The following ELP4 variants were observed in gnomAD, a reference collection of about 807,000 sequenced individuals.
The protein encoded by ELP4 is elongator complex protein 4.
In ELP4, 51 loss-of-function variants were observed where a neutral mutation model predicts 48.9. The observed-to-expected ratio is 1.04, with a 90% CI of 0.83 to 1.32. ELP4 has a LOEUF of 1.32. ELP4 is among the 40% of genes most tolerant of loss of function. The pLI is 0.00. For missense variants in ELP4, 519 were observed against 514.6 expected, an observed-to-expected ratio of 1.01 and a Z score of -0.08; for synonymous variants, 210 against 189.2, an observed-to-expected ratio of 1.11 and a Z score of -0.90.
chr11:31,741,243 C>G (rs1470962034), intron 9 of ELP4, among the ~76,000 whole-genome samples: 2 of 152,156 alleles, frequency 1.3e-5, no homozygotes, highest in Admixed American at 1.3e-4. Context: ...AACAAAGCGG[C>G]CGGTAAGCTG....
At chr11:31,633,941 C>T (rs1484085508) in intron 7 of ELP4, 1 of 151,974 alleles carries the variant, frequency 6.6e-6, no homozygotes, top group Non-Finnish European at 1.5e-5. Flanking sequence ...CAGTGTTCTT[C>T]CCTGACTTCA....
chr11:31,624,279 C>T (rs1278975899), intron 5 of ELP4, among the ~76,000 whole-genome samples: 2 of 151,676 alleles, frequency 1.3e-5, no homozygotes, highest in African/African-American at 4.8e-5. Flanking sequence ...AGTGTAATTA[C>T]ACAAATCTAC....
intron 3 of ELP4, among the ~76,000 whole-genome samples, chr11:31,553,427 G>T (rs551910836): frequency 6.6e-6 from 1 of 152,150 alleles, no homozygotes; most frequent in South Asian, 2.1e-4. Flanking sequence ...AAACAAAAAC[G>T]CTGACCATCC....
At chr11:31,591,400 C>A in intron 3 of ELP4, among the ~76,000 whole-genome samples, 1 of 76,576 alleles carries the variant, frequency 1.3e-5, no homozygotes, top group African/African-American at 5.6e-5. Context: ...AGCGAGACTC[C>A]ATCTCAAAAA....
intron 3 of ELP4, among the ~76,000 whole-genome samples, chr11:31,572,294 C>G (rs893010770): frequency 6.6e-6 from 1 of 152,122 alleles, no homozygotes; most frequent in African/African-American, 2.4e-5. Context: ...AGCTTTTTTT[C>G]TGAAGCTTCT....
chr11:31,704,744 G>T (rs1302199656), intron 9 of ELP4, among the ~76,000 whole-genome samples: 1 of 152,092 alleles, frequency 6.6e-6, no homozygotes, highest in Non-Finnish European at 1.5e-5. Context: ...AGGCTTGGTG[G>T]CTCATGCCTG....
intron 3 of ELP4, among the ~76,000 whole-genome samples, chr11:31,565,076 G>A (rs1470485333): frequency 6.6e-6 from 1 of 152,186 alleles, no homozygotes; most frequent in African/African-American, 2.4e-5. Flanking sequence ...ATTCTAACTG[G>A]TGTGAGATGG....
At chr11:31,626,620 T>TA (rs1223439972) in intron 5 of ELP4, among the ~76,000 whole-genome samples, 1 of 151,854 alleles carries the variant, frequency 6.6e-6, no homozygotes, top group Non-Finnish European at 1.5e-5. Context: ...TCGTGTGTCT[T>TA]AAAAAATCAA....
In ELP4 at chr11:31,532,266, A is replaced by G. The variant is rs550217050; in HGVS notation, c.260-7396A>G. Among the ~76,000 whole-genome samples, 43 of 152,342 alleles carry G rather than the reference A, an allele frequency of 2.8e-4. No individual in the cohort carries two copies. In the East Asian group the frequency reaches 8.1e-3, roughly 29 times the overall value. On this transcript the variant is annotated intron_variant, in intron 2 of 9. Coordinates refer to ENST00000640961, the MANE Select transcript of ELP4 (RefSeq NM_019040.5). The stretch of plus-strand genomic sequence containing the variant: ...TCATGAAATTCTGTTGGCACATTGA[A>G]GTAAAGATAAGATAACATAAAACAT...
intron 9 of ELP4, among the ~76,000 whole-genome samples, chr11:31,738,232 C>CAAAA (rs57817538): frequency 4.3e-4 from 23 of 53,676 alleles, no homozygotes; most frequent in African/African-American, 1.0e-3. Context: ...CCATCTCTAC[C>CAAAA]AAAAAAAAAA....
intron 9 of ELP4, among the ~76,000 whole-genome samples, chr11:31,714,444 A>G (rs1592246984): frequency 6.6e-6 from 1 of 152,334 alleles, no homozygotes; most frequent in Admixed American, 6.5e-5. Context: ...CTTCCAGTAC[A>G]ATCAAGAGAA....
intron 5 of ELP4, among the ~76,000 whole-genome samples, chr11:31,612,712 A>G (rs904655943): frequency 3.3e-5 from 5 of 152,266 alleles, no homozygotes; most frequent in Admixed American, 3.3e-4. Flanking sequence ...AAAATAAGTA[A>G]TATTGGGTGA....
chr11:31,603,122 A>G (rs931270628), intron 4 of ELP4, among the ~76,000 whole-genome samples: 4 of 151,914 alleles, frequency 2.6e-5, no homozygotes, highest in Admixed American at 6.6e-5. Context: ...CAATGAACCA[A>G]TGATTATGCC....
At chr11:31,525,401 T>C (rs1956281118) in intron 2 of ELP4, among the ~76,000 whole-genome samples, 1 of 152,200 alleles carries the variant, frequency 6.6e-6, no homozygotes, top group African/African-American at 2.4e-5. Context: ...TCTCTGGATA[T>C]TGGTTGCATA....
At chr11:31,650,446 A>C (rs981880993) in intron 9 of ELP4, 13 of 364,098 alleles carry the variant, frequency 3.6e-5, no homozygotes, top group African/African-American at 6.3e-5. Context: ...TTTCTTTTGA[A>C]TATCTATTAA....
intron 9 of ELP4, chr11:31,682,130 A>G (rs1327985523): frequency 8.4e-7 from 1 of 1,186,464 alleles, no homozygotes; most frequent in East Asian, 7.9e-5. Context: ...GTCCCATCCA[A>G]CTATGCAACA....
intron 5 of ELP4, among the ~76,000 whole-genome samples, chr11:31,620,040 G>T (rs1290809033): frequency 6.6e-6 from 1 of 151,960 alleles, no homozygotes; most frequent in Non-Finnish European, 1.5e-5. Context: ...TAATGAAGAT[G>T]GAGGAAGAGA....
At chr11:31,588,964 C>T (rs1331077029) in intron 3 of ELP4, among the ~76,000 whole-genome samples, 1 of 152,098 alleles carries the variant, frequency 6.6e-6, no homozygotes, top group Non-Finnish European at 1.5e-5. Context: ...GCCTGGGCAA[C>T]AGAGTGAGAC....
intron 1 of ELP4, chr11:31,512,615 C>G (rs541982724): frequency 2.0e-5 from 3 of 152,088 alleles, no homozygotes; most frequent in African/African-American, 7.2e-5. Flanking sequence ...CAACCTTGCC[C>G]TTCTGGGATA....
Sources: gnomAD v4.1 joint callset for allele counts (sites outside exome capture counted in the v4.1 genomes callset) on GRCh38, gnomAD v4.1.1 for gene constraint, MANE v1.5 for transcripts, NCBI Gene and HGNC (gene_info 2026-07-23, HGNC 2026-07-21) for gene names.